Variants in RMDN2 observed in about 807,000 individuals in gnomAD.
RMDN2 encodes the protein regulator of microtubule dynamics protein 2.
RMDN2 carries 61 observed loss-of-function variants against 52.8 expected under a neutral mutation model. That is an observed-to-expected ratio of 1.16 (90% CI 0.94 to 1.43). The LOEUF is 1.43. Among genes scored for constraint, RMDN2 ranks in the 40% most tolerant of loss-of-function variants. The probability of loss-of-function intolerance (pLI) is 0.00; values close to 1 mark genes in which losing one functional copy is unlikely to be tolerated. For missense variants in RMDN2, 592 were observed against 475.3 expected, an observed-to-expected ratio of 1.25 and a Z score of -2.28; for synonymous variants, 180 against 153.1, an observed-to-expected ratio of 1.18 and a Z score of -1.30.
intron 10 of RMDN2, among the ~76,000 whole-genome samples, chr2:38,035,267 T>G (rs1680495274): frequency 6.6e-6 from 1 of 152,146 alleles, no homozygotes; most frequent in South Asian, 2.1e-4. Context: ...ATAAGAATCA[T>G]GTCTGATAGG....
At chr2:38,034,342 G>A (rs1342006139) in intron 10 of RMDN2, among the ~76,000 whole-genome samples, 9 of 152,152 alleles carry the variant, frequency 5.9e-5, no homozygotes, top group Non-Finnish European at 1.3e-4. Context: ...CCTACATGAT[G>A]GGGAGATCAG....
intron 2 of RMDN2, chr2:37,951,243 G>T: frequency 6.3e-7 from 1 of 1,583,806 alleles, no homozygotes; most frequent in African/African-American, 1.4e-5. Flanking sequence ...CTGCTGCAAA[G>T]AGGACCAGAG....
rs571122683 is a variant in RMDN2, at chr2:38,001,193, G to A, written c.1045-2798G>A. Reference sequence around the variant, plus strand: ...TAATTTGTTCAACAGTGTTTATTAAGCACATAACTAGTGCCAAACATGGCA... The same window carrying A: ...TAATTTGTTCAACAGTGTTTATTAAACACATAACTAGTGCCAAACATGGCA... On this transcript the variant is annotated intron_variant, in intron 8 of 10. Transcript: ENST00000354545. 2.6e-5 allele frequency among the ~76,000 whole-genome samples: 4 copies of A among 152,322 alleles called. No individual in the cohort carries two copies. The East Asian group carries it at 7.7e-4, about 29-fold the overall frequency.
At chr2:37,938,319 G>C (rs1017175006) in intron 2 of RMDN2, among the ~76,000 whole-genome samples, 1 of 152,144 alleles carries the variant, frequency 6.6e-6, no homozygotes, top group Non-Finnish European at 1.5e-5. Flanking sequence ...GAGGATTTTT[G>C]CATCAATCTT....
chr2:37,935,136 C>G (rs949544565), intron 2 of RMDN2, among the ~76,000 whole-genome samples: 6 of 152,144 alleles, frequency 3.9e-5, no homozygotes, highest in African/African-American at 1.4e-4. Context: ...AAAAACAGTA[C>G]TGATTATTCG....
intron 2 of RMDN2, among the ~76,000 whole-genome samples, chr2:37,961,242 TA>T (rs1670190252): frequency 6.6e-6 from 1 of 152,194 alleles, no homozygotes; most frequent in Admixed American, 6.5e-5. Context: ...CCTGTCTTGC[TA>T]TGTTGGGGAA....
chr2:38,038,105 C>T (rs1680707263), intron 10 of RMDN2, among the ~76,000 whole-genome samples: 1 of 152,130 alleles, frequency 6.6e-6, no homozygotes. Context: ...TTCTTTCCCC[C>T]ATTCCTTCCC....
chr2:38,010,555 T>G (rs1677825442), intron 10 of RMDN2, among the ~76,000 whole-genome samples: 1 of 152,160 alleles, frequency 6.6e-6, no homozygotes, highest in Non-Finnish European at 1.5e-5. Context: ...CTAAGACCAT[T>G]GGAAAAGCGC....
intron 10 of RMDN2, among the ~76,000 whole-genome samples, chr2:38,048,599 C>T (rs999071845): frequency 2.4e-4 from 37 of 152,212 alleles, no homozygotes; most frequent in African/African-American, 8.7e-4. Context: ...TCTAGACTAC[C>T]TCTGTAAACA....
At chr2:38,011,480 TA>T (rs891870935) in intron 10 of RMDN2, among the ~76,000 whole-genome samples, 3 of 151,918 alleles carry the variant, frequency 2.0e-5, no homozygotes, top group Non-Finnish European at 2.9e-5. Flanking sequence ...AATGCCTCAG[TA>T]AAAAAAACCC....
chr2:37,986,114 A>G (rs1220797036), intron 5 of RMDN2, among the ~76,000 whole-genome samples: 15 of 152,196 alleles, frequency 9.9e-5, no homozygotes, highest in Admixed American at 7.2e-4. Flanking sequence ...AATAATTTGG[A>G]AAATGATAAT....
intron 2 of RMDN2, among the ~76,000 whole-genome samples, chr2:37,965,057 TG>T (rs1446664459): frequency 1.3e-5 from 2 of 152,254 alleles, no homozygotes; most frequent in East Asian, 3.9e-4. Context: ...CACTCTCTTT[TG>T]TTTACTGTTT....
intron 4 of RMDN2, among the ~76,000 whole-genome samples, chr2:37,978,817 G>GATAGATAGAT (rs1672923069): frequency 5.8e-5 from 4 of 68,638 alleles, no homozygotes; most frequent in South Asian, 9.7e-4. Flanking sequence ...GATAGATAGA[G>GATAGATAGAT]AACAGGCTGT....
intron 2 of RMDN2, among the ~76,000 whole-genome samples, chr2:37,958,292 C>T (rs371435117): frequency 6.6e-6 from 1 of 152,088 alleles, no homozygotes; most frequent in African/African-American, 2.4e-5. Flanking sequence ...GAGTGTTTTT[C>T]CATTTGTTTG....
chr2:37,952,877 A>C (rs1669017604), intron 2 of RMDN2: 1 of 152,036 alleles, frequency 6.6e-6, no homozygotes, highest in African/African-American at 2.4e-5. Context: ...TATGTATATT[A>C]GTCTCCCAAA....
Position 37,958,366 on chromosome 2 carries a change from C to T in RMDN2, c.453-15674C>T, listed in dbSNP as rs952424628. ...TTCTTGAAGAAGTCCTTCACATCCC[C>T]TCTAAGTTGTATTCCTAGGTATTTT... On this transcript the variant is annotated intron_variant, in intron 2 of 10. Coordinates refer to ENST00000354545, the MANE Select transcript of RMDN2 (RefSeq NM_001170791.3). 1.4e-4 allele frequency among the ~76,000 whole-genome samples: 20 copies of T among 143,692 alleles called. 3 individuals carry two copies. The highest frequency in any genetic ancestry group is 6.0e-4 in the African/African-American group (20 of 33,422). 94.3% of individuals were successfully genotyped at this position (143,692 alleles called of 152,430 possible). A position where few individuals can be genotyped will look rare whatever the true frequency, so the allele number is the denominator to read the frequency against.
intron 10 of RMDN2, among the ~76,000 whole-genome samples, chr2:38,056,136 C>T (rs922992820): frequency 1.5e-3 from 232 of 152,318 alleles, no homozygotes; most frequent in African/African-American, 5.4e-3. Context: ...GACGGGGCAG[C>T]ACTGTGCCAG....
At chr2:38,026,574 T>G (rs1420445410) in intron 10 of RMDN2, among the ~76,000 whole-genome samples, 1 of 152,180 alleles carries the variant, frequency 6.6e-6, no homozygotes, top group Non-Finnish European at 1.5e-5. Context: ...GCTGAAGTCA[T>G]TGATATAAGA....
Position 37,945,677 on chromosome 2 carries a change from A to G in RMDN2, c.452+15948A>G, listed in dbSNP as rs17021761. Among the ~76,000 whole-genome samples the G allele has an allele frequency of 3.3e-3, 498 of 152,334 alleles. 2 individuals carry two copies. The highest frequency in any genetic ancestry group is 0.011 in the African/African-American group (466 of 41,584). ...AAGAAAATGGAAGTCATCTCCATCA[A>G]TAATTTTTTCCAGATCCTGTCCTAA... On this transcript the variant is annotated intron_variant, in intron 2 of 10. Coordinates refer to ENST00000354545, the MANE Select transcript of RMDN2 (RefSeq NM_001170791.3).
Sources: gnomAD v4.1 joint callset for allele counts (sites outside exome capture counted in the v4.1 genomes callset) on GRCh38, gnomAD v4.1.1 for gene constraint, MANE v1.5 for transcripts, NCBI Gene and HGNC (gene_info 2026-07-23, HGNC 2026-07-21) for gene names.